Variants in PDE1A observed in about 807,000 individuals in gnomAD.
PDE1A encodes dual specificity calcium/calmodulin-dependent 3',5'-cyclic nucleotide phosphodiesterase 1A.
A neutral mutation model predicts 61.7 loss-of-function variants in PDE1A; 35 were observed. The ratio of observed to expected loss-of-function variants is 0.57; its 90% CI spans 0.43 to 0.75. The LOEUF (loss-of-function observed/expected upper bound fraction) is 0.75. Ranked by LOEUF, PDE1A falls within the 30% of genes least tolerant of loss-of-function variation. The probability of loss-of-function intolerance (pLI) is 0.00; values close to 1 mark genes in which losing one functional copy is unlikely to be tolerated. For missense variants in PDE1A, 597 were observed against 630.6 expected (o/e 0.95, Z 0.57); for synonymous variants, 232 against 213.2 (o/e 1.09, Z -0.77).
chr2:182,437,953 A>C (rs1684546013), intron 2 of PDE1A, among the ~76,000 whole-genome samples: 1 of 151,860 alleles, frequency 6.6e-6, no homozygotes, highest in Non-Finnish European at 1.5e-5. Context: ...TGCTGTTTTG[A>C]ATGTACACAT....
At chr2:182,386,122 C>A (rs940348516) in intron 1 of PDE1A, among the ~76,000 whole-genome samples, 2 of 152,206 alleles carry the variant, frequency 1.3e-5, no homozygotes, top group South Asian at 4.1e-4. Context: ...GCCGGGATTG[C>A]GGACGGAGTC....
chr2:182,433,573 G>C (rs1288303216), intron 2 of PDE1A, among the ~76,000 whole-genome samples: 1 of 152,006 alleles, frequency 6.6e-6, no homozygotes, highest in Non-Finnish European at 1.5e-5. Flanking sequence ...TTGTCTTAAA[G>C]GGGCTCAAAA....
intron 1 of PDE1A, among the ~76,000 whole-genome samples, chr2:182,367,604 A>G (rs1699908075): frequency 1.3e-5 from 2 of 152,132 alleles, no homozygotes; most frequent in African/African-American, 4.8e-5. Flanking sequence ...TGACAAATTA[A>G]TGTGGCAATG....
the PDE1A span, among the ~76,000 whole-genome samples, chr2:182,591,232 T>G: frequency 1.3e-5 from 2 of 152,142 alleles, no homozygotes; most frequent in African/African-American, 4.8e-5. Context: ...TTCTCAAAAT[T>G]TCTTAGTCTA....
intron 2 of PDE1A, among the ~76,000 whole-genome samples, chr2:182,515,290 G>T (rs986937367): frequency 3.3e-5 from 5 of 152,202 alleles, no homozygotes; most frequent in Admixed American, 2.0e-4. Flanking sequence ...TACAGGAACA[G>T]TAGCTTCTGT....
chr2:182,521,211 T>C (rs1379879784), intron 2 of PDE1A, among the ~76,000 whole-genome samples: 1 of 151,948 alleles, frequency 6.6e-6, no homozygotes, highest in Non-Finnish European at 1.5e-5. Context: ...TTTGATGTAA[T>C]TTTCTTTAAA....
At chr2:182,640,860 A>C in the PDE1A span, among the ~76,000 whole-genome samples, 2 of 152,074 alleles carry the variant, frequency 1.3e-5, no homozygotes, top group South Asian at 4.2e-4. Context: ...TTTCTACTAA[A>C]ACTACCAAAA....
intron 1 of PDE1A, among the ~76,000 whole-genome samples, chr2:182,300,303 A>C (rs1164010417): frequency 6.6e-6 from 1 of 152,198 alleles, no homozygotes; most frequent in African/African-American, 2.4e-5. Context: ...TTTCACTGAC[A>C]CGTTTTTCAT....
intron 2 of PDE1A, among the ~76,000 whole-genome samples, chr2:182,432,189 C>T (rs1320849150): frequency 1.3e-5 from 2 of 152,152 alleles, no homozygotes; most frequent in Admixed American, 6.6e-5. Flanking sequence ...AAGATCCTTT[C>T]CAGCTCTAAA....
intron 1 of PDE1A, among the ~76,000 whole-genome samples, chr2:182,326,935 A>C (rs1049216579): frequency 2.0e-5 from 3 of 152,186 alleles, no homozygotes; most frequent in Non-Finnish European, 2.9e-5. Flanking sequence ...TTGTAATGTA[A>C]ACAAGATATT....
At chr2:182,453,112 G>C (rs1435295829) in intron 2 of PDE1A, among the ~76,000 whole-genome samples, 1 of 152,108 alleles carries the variant, frequency 6.6e-6, no homozygotes, top group African/African-American at 2.4e-5. Flanking sequence ...GAAGTGACTT[G>C]ACGTATTTTT....
intron 1 of PDE1A, among the ~76,000 whole-genome samples, chr2:182,287,638 G>A (rs1219379196): frequency 6.6e-6 from 1 of 152,086 alleles, no homozygotes; most frequent in Non-Finnish European, 1.5e-5. Context: ...AGCTGAAAAA[G>A]ACAAGACAAG....
At chr2:182,701,552 T>C in the PDE1A span, among the ~76,000 whole-genome samples, 1 of 151,998 alleles carries the variant, frequency 6.6e-6, no homozygotes, top group Non-Finnish European at 1.5e-5. Flanking sequence ...GTCTAATTTT[T>C]GTATTTTATA....
At chr2:182,368,038 A>G (rs1699931270) in intron 1 of PDE1A, among the ~76,000 whole-genome samples, 1 of 151,940 alleles carries the variant, frequency 6.6e-6, no homozygotes, top group Non-Finnish European at 1.5e-5. Context: ...CCATACATCC[A>G]CCACTCCACT....
Position 182,497,231 on chromosome 2 carries a change from G to T in PDE1A, c.101+25045C>A, listed in dbSNP as rs556354104. Among the ~76,000 whole-genome samples the T allele has an allele frequency of 3.3e-5, 5 of 152,290 alleles. 1 individual carries two copies. Among genetic ancestry groups the T allele is most frequent in the African/African-American group, 1.2e-4 (5 of 41,572 alleles). ...AAAGGACAGTGTGAATAGGAAAGAA[G>T]TAACAAAATCCAAGAGAATCAATTC... is the stretch of plus-strand genomic sequence containing the variant. On this transcript the variant is annotated intron_variant, in intron 2 of 14. Transcript: ENST00000410103.
intron 7 of PDE1A, 64 bp downstream of exon 7, chr2:182,223,796 TTAAG>T (rs1688922892): frequency 1.2e-6 from 1 of 866,302 alleles, no homozygotes; most frequent in Non-Finnish European, 1.8e-6. Context: ...AAAAATCCTC[TTAAG>T]TGATATGCAG....
intron 1 of PDE1A, among the ~76,000 whole-genome samples, chr2:182,291,965 G>A (rs554517479): frequency 5.8e-4 from 88 of 152,040 alleles, no homozygotes; most frequent in Non-Finnish European, 9.6e-4. Context: ...TGAAACAGAT[G>A]CTCAGGAAGC....
At chr2:182,472,524 T>C (rs1301926551) in intron 2 of PDE1A, among the ~76,000 whole-genome samples, 1 of 151,642 alleles carries the variant, frequency 6.6e-6, no homozygotes, top group Non-Finnish European at 1.5e-5. Flanking sequence ...ATTGAAGCAG[T>C]GTGTGGAATG....
chr2:182,614,426 T>C, the PDE1A span, among the ~76,000 whole-genome samples: 1 of 152,186 alleles, frequency 6.6e-6, no homozygotes, highest in Non-Finnish European at 1.5e-5. Flanking sequence ...TCTATAAATT[T>C]TAATTCTTTA....
Sources: gnomAD v4.1 joint callset for allele counts (sites outside exome capture counted in the v4.1 genomes callset) on GRCh38, gnomAD v4.1.1 for gene constraint, MANE v1.5 for transcripts, NCBI Gene and HGNC (gene_info 2026-07-23, HGNC 2026-07-21) for gene names.